PTPRN2: variants seen among roughly 807,000 people sequenced by gnomAD.
The protein encoded by PTPRN2 is receptor-type tyrosine-protein phosphatase N2.
PTPRN2 carries 74 observed loss-of-function variants against 118.8 expected under a neutral mutation model. That is an observed-to-expected ratio of 0.62 (90% confidence interval 0.52 to 0.76). The LOEUF (loss-of-function observed/expected upper bound fraction) is 0.76, where lower values mean the gene tolerates loss of function less well. Among genes scored for constraint, PTPRN2 ranks in the 30% least tolerant of loss-of-function variants. The pLI is 0.00. For missense variants in PTPRN2, 1,481 were observed against 1,394.4 expected, an observed-to-expected ratio of 1.06 and a Z score of -0.99; for synonymous variants, 641 against 608.0, an observed-to-expected ratio of 1.05 and a Z score of -0.80.
chr7:158,556,724 T>TTGCTCCCACG (rs2129450571), intron 1 of PTPRN2, among the ~76,000 whole-genome samples: 1 of 148,140 alleles, frequency 6.8e-6, no homozygotes, highest in South Asian at 2.2e-4. Context: ...CCCGGGCAGG[T>TTGCTCCCACG]CAGGCGGCTC....
At chr7:158,424,936 C>T (rs1176568165) in intron 2 of PTPRN2, among the ~76,000 whole-genome samples, 1 of 152,180 alleles carries the variant, frequency 6.6e-6, no homozygotes, top group Admixed American at 6.5e-5. Context: ...TAACCATCAG[C>T]CTAATCTCCC....
At chr7:157,655,084 G>A (rs1217802058) in intron 14 of PTPRN2, among the ~76,000 whole-genome samples, 1 of 152,258 alleles carries the variant, frequency 6.6e-6, no homozygotes, top group Non-Finnish European at 1.5e-5. Context: ...CGAGCTGTCT[G>A]CTCCCGGGTG....
chr7:158,549,605 G>A (rs528122072), intron 1 of PTPRN2, among the ~76,000 whole-genome samples: 18 of 152,394 alleles, frequency 1.2e-4, no homozygotes, highest in African/African-American at 4.1e-4. Context: ...CGCTAGGGTG[G>A]AGGAAGCAGC....
rs186377801 is a variant in PTPRN2 at position 158,128,448 on chromosome 7, A to G, written c.1556+5229T>C. ...CTTTAACCCACTGCTCATAGGAGGT[A>G]AATATTCCAGTCCAAAAGGCATGGC... On this transcript the variant is annotated intron_variant, in intron 9 of 22. Coordinates refer to ENST00000389418, the MANE Select transcript of PTPRN2 (RefSeq NM_002847.5). Among the ~76,000 whole-genome samples the G allele has an allele frequency of 6.6e-5, 10 of 152,356 alleles. No homozygotes were observed. The East Asian group carries it at 1.9e-3, about 29-fold the overall frequency.
intron 12 of PTPRN2, among the ~76,000 whole-genome samples, chr7:157,842,751 ACACCCAGCCCTTT>A (rs1808527291): frequency 6.6e-6 from 1 of 152,196 alleles, no homozygotes; most frequent in Admixed American, 6.5e-5. Flanking sequence ...GCCACAGTGC[ACACCCAGCCCTTT>A]GATTTCAGAT....
In PTPRN2 at chr7:158,146,459, C is replaced by T. The variant is rs562000803; in HGVS notation, c.911-7944G>A. Among the ~76,000 whole-genome samples the T allele has an allele frequency of 1.1e-4, 16 of 152,192 alleles. No individual in the cohort carries two copies. The South Asian group carries it at 3.1e-3, about 30-fold the overall frequency. On this transcript the variant is annotated intron_variant, in intron 6 of 22. Transcript: ENST00000389418. ...ATAATAGGCTGGGCTTGGTGGCTCA[C>T]ACCTGTAATCCCAGCACTTTGGGAC...
chr7:158,229,560 C>G (rs2150818775), intron 3 of PTPRN2, among the ~76,000 whole-genome samples: 1 of 152,050 alleles, frequency 6.6e-6, no homozygotes, highest in East Asian at 1.9e-4. Flanking sequence ...AAAATTCAAA[C>G]AGAAATCTTG....
At position 157,850,382 on chromosome 7, in the gene PTPRN2, C is replaced by T. The variant is rs144318205; in HGVS notation, c.1788+48291G>A. ...CAGGTCTCCGAATTTCCATTTCCGA[C>T]GTGGGGTGCCTCAGGCTCGTGTAAG... is the stretch of plus-strand genomic sequence containing the variant. On this transcript the variant is annotated intron_variant, in intron 12 of 22. Coordinates refer to ENST00000389418, the MANE Select transcript of PTPRN2 (RefSeq NM_002847.5). Among the ~76,000 whole-genome samples the T allele has an allele frequency of 2.3e-3, 352 of 149,980 alleles. 1 individual carries two copies. Among genetic ancestry groups the T allele is most frequent in the African/African-American group, 8.0e-3 (326 of 40,666 alleles).
intron 10 of PTPRN2, among the ~76,000 whole-genome samples, chr7:158,083,169 T>C (rs1435046036): frequency 6.6e-6 from 1 of 152,150 alleles, no homozygotes; most frequent in African/African-American, 2.4e-5. Flanking sequence ...AGACGTTTTA[T>C]AGATGTTTTC....
chr7:157,945,809 C>T (rs1800452029), intron 11 of PTPRN2, among the ~76,000 whole-genome samples: 1 of 152,032 alleles, frequency 6.6e-6, no homozygotes, highest in African/African-American at 2.4e-5. Context: ...ACAAAGTCTG[C>T]TTCCTAAAGA....
intron 2 of PTPRN2, among the ~76,000 whole-genome samples, chr7:158,475,852 G>A (rs189874142): frequency 6.6e-6 from 1 of 152,332 alleles, no homozygotes; most frequent in Admixed American, 6.5e-5. Flanking sequence ...GAAGAAGTTT[G>A]GGAGTCAGAT....
intron 3 of PTPRN2, among the ~76,000 whole-genome samples, chr7:158,290,760 T>C (rs1051632607): frequency 6.6e-6 from 1 of 152,200 alleles, no homozygotes; most frequent in Non-Finnish European, 1.5e-5. Context: ...GTGCATCTTA[T>C]TTCTGTGCCA....
At chr7:158,356,094 G>T (rs1257093824) in intron 2 of PTPRN2, among the ~76,000 whole-genome samples, 2 of 152,104 alleles carry the variant, frequency 1.3e-5, no homozygotes. Context: ...TGTCTTCTTG[G>T]CTGTCTTTAT....
chr7:158,541,913 A>G (rs769577561), intron 1 of PTPRN2: 3 of 187,196 alleles, frequency 1.6e-5, no homozygotes, highest in Non-Finnish European at 3.0e-5. Flanking sequence ...CTGTTCATGA[A>G]GTAAACTGGC....
chr7:157,633,010 A>G (rs1233873413), intron 14 of PTPRN2, among the ~76,000 whole-genome samples: 1 of 152,192 alleles, frequency 6.6e-6, no homozygotes, highest in Non-Finnish European at 1.5e-5. Flanking sequence ...TGGTCTAGTC[A>G]TCTGTCCCTT....
At chr7:157,842,123 A>T (rs1808465240) in intron 12 of PTPRN2, among the ~76,000 whole-genome samples, 1 of 152,176 alleles carries the variant, frequency 6.6e-6, no homozygotes, top group South Asian at 2.1e-4. Context: ...AATAACAGGA[A>T]GGTCCCCAAC....
rs1358073439 is a variant in PTPRN2, at chr7:158,574,761, C to T, written c.112+12797G>A. Among the ~76,000 whole-genome samples the T allele has an allele frequency of 6.6e-6, 1 of 152,210 alleles. No individual in the cohort carries two copies. The highest frequency in any genetic ancestry group is 2.4e-5 in the African/African-American group (1 of 41,456). On this transcript the variant is annotated intron_variant, in intron 1 of 22. Coordinates refer to ENST00000389418, the MANE Select transcript of PTPRN2 (RefSeq NM_002847.5). This position sits in a 1 kb window ranked among gnomAD's most constrained non-coding sequence, Gnocchi z 4.6. Reference sequence around the variant, plus strand: ...CTGCTACATGTGAGGACTGCATGCCCGGCAGCTTCCTCCACATGCATCAGG... The same window carrying T: ...CTGCTACATGTGAGGACTGCATGCCTGGCAGCTTCCTCCACATGCATCAGG...
At chr7:158,276,483 C>T (rs1397097653) in intron 3 of PTPRN2, among the ~76,000 whole-genome samples, 2 of 146,774 alleles carry the variant, frequency 1.4e-5, no homozygotes, top group Non-Finnish European at 1.5e-5. Flanking sequence ...CCCCCACACC[C>T]CGGCCCCGAC....
chr7:158,007,955 T>G (rs28637546), intron 11 of PTPRN2, among the ~76,000 whole-genome samples: 84,028 of 143,638 alleles, frequency 0.58, 24,529 homozygotes, highest in East Asian at 0.8. Context: ...TGTGGGGGTG[T>G]GGGTGTGTAG....
Sources: gnomAD v4.1 joint callset for allele counts (sites outside exome capture counted in the v4.1 genomes callset) on GRCh38, gnomAD v4.1.1 for gene constraint, Gnocchi (gnomAD v3.1) non-coding constraint, MANE v1.5 for transcripts, NCBI Gene and HGNC (gene_info 2026-07-23, HGNC 2026-07-21) for gene names.